HSPA12A: variants seen among roughly 807,000 people sequenced by gnomAD.
The protein encoded by HSPA12A is heat shock 70 kDa protein 12A.
HSPA12A carries 28 observed loss-of-function variants against 69.2 expected under a neutral mutation model. That is an observed-to-expected ratio of 0.40 (90% CI 0.30 to 0.55). HSPA12A has a LOEUF of 0.55. HSPA12A is among the 20% of genes least tolerant of loss of function. The pLI is 0.38. For synonymous variants in HSPA12A, 345 were observed against 370.5 expected (o/e 0.93, Z 0.79); for missense variants, 686 against 900.7 (o/e 0.76, Z 3.05).
At chr10:116,844,405 A>G (rs977778061) in intron 1 of HSPA12A, among the ~76,000 whole-genome samples, 1 of 152,226 alleles carries the variant, frequency 6.6e-6, no homozygotes, top group Non-Finnish European at 1.5e-5. Flanking sequence ...CCCATTTATT[A>G]GCCAGATAAT....
At chr10:116,791,040 C>T (rs1048273415) in intron 2 of HSPA12A, among the ~76,000 whole-genome samples, 5 of 152,296 alleles carry the variant, frequency 3.3e-5, no homozygotes, top group East Asian at 1.9e-4. Flanking sequence ...TCTAAATCTA[C>T]GTGTTTATTT....
chr10:116,849,661 T>C, exon 1 of HSPA12A: 1 of 1,550,144 alleles, frequency 6.5e-7, no homozygotes, highest in Non-Finnish European at 8.7e-7. Context: ...GAGAACGACG[T>C]TCCGCGCAGG....
At chr10:116,802,635 C>T (rs977773336) in intron 2 of HSPA12A, among the ~76,000 whole-genome samples, 5 of 152,186 alleles carry the variant, frequency 3.3e-5, no homozygotes, top group South Asian at 2.1e-4. Flanking sequence ...TGGTGGGAGA[C>T]GCCAGGGTGA....
intron 2 of HSPA12A, among the ~76,000 whole-genome samples, chr10:116,706,444 G>A (rs1176605326): frequency 1.3e-5 from 2 of 152,106 alleles, no homozygotes; most frequent in African/African-American, 4.8e-5. Flanking sequence ...AGTCCCCAGG[G>A]TGCAGGACTT....
chr10:116,754,434 GA>G (rs1394357804), intron 2 of HSPA12A, among the ~76,000 whole-genome samples: 1 of 152,064 alleles, frequency 6.6e-6, no homozygotes, highest in Non-Finnish European at 1.5e-5. Flanking sequence ...AAGAATTAAA[GA>G]AAAAAATCAA....
intron 2 of HSPA12A, among the ~76,000 whole-genome samples, chr10:116,775,618 G>A (rs1564815946): frequency 6.6e-6 from 1 of 152,214 alleles, no homozygotes; most frequent in Non-Finnish European, 1.5e-5. Flanking sequence ...CCCCACAGGA[G>A]TGCTGGGTGA....
chr10:116,808,034 A>G (rs1170812745), intron 2 of HSPA12A, among the ~76,000 whole-genome samples: 2 of 152,234 alleles, frequency 1.3e-5, no homozygotes, highest in East Asian at 3.9e-4. Flanking sequence ...TCTCCAGGGT[A>G]TAATTTCCCA....
intron 1 of HSPA12A, among the ~76,000 whole-genome samples, chr10:116,716,391 C>T (rs1196858662): frequency 2.6e-5 from 4 of 151,602 alleles, no homozygotes; most frequent in Non-Finnish European, 5.9e-5. Flanking sequence ...ATGTTAGATG[C>T]CACCCTGTGA....
intron 2 of HSPA12A, among the ~76,000 whole-genome samples, chr10:116,751,628 A>G (rs1434615936): frequency 1.3e-5 from 2 of 152,240 alleles, no homozygotes; most frequent in Admixed American, 6.5e-5. Flanking sequence ...CAGGAAAAAC[A>G]GTAACAGTTG....
chr10:116,847,436 T>G (rs1845911243), intron 1 of HSPA12A, among the ~76,000 whole-genome samples: 1 of 152,236 alleles, frequency 6.6e-6, no homozygotes, highest in African/African-American at 2.4e-5. Context: ...CACTTATTTC[T>G]TGCCCTTCCT....
chr10:116,712,518 G>T (rs1345202915), intron 1 of HSPA12A, among the ~76,000 whole-genome samples: 1 of 152,098 alleles, frequency 6.6e-6, no homozygotes, highest in Non-Finnish European at 1.5e-5. Flanking sequence ...CTTCATCTGG[G>T]TTCCTGCTGT....
chr10:116,780,525 G>T (rs1404222428), intron 2 of HSPA12A, among the ~76,000 whole-genome samples: 1 of 98,072 alleles, frequency 1.0e-5, no homozygotes, highest in African/African-American at 3.5e-5. Context: ...CTAATTTTTT[G>T]ATTTATTTTA....
rs1433529282 is a variant in HSPA12A, at chr10:116,717,886, G to T, written c.41-10601C>A. ...TCAGGAAAATTTAGTGATAGGAAAC[G>T]TGAGGGCCGGTGCTGCCAGGGGTAA... is the stretch of plus-strand genomic sequence containing the variant. On this transcript the variant is annotated intron_variant, in intron 1 of 11. Coordinates refer to ENST00000369209, the MANE Select transcript of HSPA12A (RefSeq NM_025015.3). Among the ~76,000 whole-genome samples the T allele has an allele frequency of 2.6e-5, 4 of 152,138 alleles. No individual in the cohort carries two copies. In the East Asian group the frequency reaches 7.7e-4, roughly 29 times the overall value.
chr10:116,778,264 C>T (rs567367249), intron 2 of HSPA12A, among the ~76,000 whole-genome samples: 14 of 152,250 alleles, frequency 9.2e-5, no homozygotes, highest in Admixed American at 9.2e-4. Flanking sequence ...TAGGTTTTTT[C>T]TTTCATGAAT....
chr10:116,845,906 A>G (rs1008012730), intron 1 of HSPA12A, among the ~76,000 whole-genome samples: 7 of 152,246 alleles, frequency 4.6e-5, no homozygotes, highest in African/African-American at 1.4e-4. Context: ...TGGATCTGTC[A>G]ATACCAATCA....
chr10:116,783,998 C>T (rs1251906290), intron 2 of HSPA12A, among the ~76,000 whole-genome samples: 4 of 152,194 alleles, frequency 2.6e-5, no homozygotes, highest in African/African-American at 7.2e-5. Context: ...GCCACCATGC[C>T]CAGCCCATTT....
At chr10:116,746,297 G>T (rs1851647863), upstream of HSPA12A, among the ~76,000 whole-genome samples, 1 of 152,150 alleles carries the variant, frequency 6.6e-6, no homozygotes, top group African/African-American at 2.4e-5. Flanking sequence ...TCTGTCACCT[G>T]CTATAACTAC....
At position 116,681,771 on chromosome 10, in the gene HSPA12A, A is replaced by C; in HGVS notation, c.922+20T>G. 1.2e-6 allele frequency: 2 copies of C among 1,604,384 alleles called. No individual in the cohort carries two copies. The highest frequency in any genetic ancestry group is 1.7e-6 in the Non-Finnish European group (2 of 1,171,352). ...GCACAGGAAAATCCAGCAAGAGCAA[A>C]GGACATTGAAGGACGCTACCTTCCT... On this transcript the variant is annotated intron_variant, in intron 8 of 11. Coordinates refer to ENST00000369209, the MANE Select transcript of HSPA12A (RefSeq NM_025015.3).
intron 4 of HSPA12A, among the ~76,000 whole-genome samples, chr10:116,699,966 T>C (rs1459992268): frequency 6.6e-6 from 1 of 152,256 alleles, no homozygotes; most frequent in Non-Finnish European, 1.5e-5. Context: ...AGCAGACAAA[T>C]GAAAGCAATT....
Sources: allele counts gnomAD v4.1 joint callset (sites outside exome capture counted in the v4.1 genomes callset), GRCh38; gene constraint gnomAD v4.1.1; transcripts MANE v1.5; gene names NCBI Gene and HGNC (gene_info 2026-07-23, HGNC 2026-07-21).